Variants in ASTN2 observed in about 807,000 individuals in gnomAD.
ASTN2 encodes the protein astrotactin 2, also known as astrotactin-2.
In ASTN2, 54 loss-of-function variants were observed where a neutral mutation model predicts 139.8. The observed-to-expected ratio is 0.39, with a 90% CI of 0.31 to 0.48. The LOEUF (loss-of-function observed/expected upper bound fraction) is 0.48, where lower values mean the gene tolerates loss of function less well. Among genes scored for constraint, ASTN2 ranks in the 20% least tolerant of loss-of-function variants. ASTN2 has a pLI of 0.95. For missense variants in ASTN2, 1,565 were observed against 1,725.1 expected (o/e 0.91, Z 1.64); for synonymous variants, 756 against 719.5 (o/e 1.05, Z -0.81).
chr9:116,752,895 G>T (rs1389369747), intron 13 of ASTN2, among the ~76,000 whole-genome samples: 1 of 152,192 alleles, frequency 6.6e-6, no homozygotes, highest in African/African-American at 2.4e-5. Context: ...TGGAGAAACA[G>T]AAAGAGTTAA....
chr9:117,206,742 C>T (rs1448924217), intron 3 of ASTN2, among the ~76,000 whole-genome samples: 2 of 152,164 alleles, frequency 1.3e-5, no homozygotes, highest in African/African-American at 4.8e-5. Flanking sequence ...ATAACGGTCC[C>T]ACCCACAGCT....
chr9:116,945,317 T>C (rs1417228839), intron 10 of ASTN2, among the ~76,000 whole-genome samples: 1 of 152,200 alleles, frequency 6.6e-6, no homozygotes, highest in East Asian at 1.9e-4. Flanking sequence ...CACCTTTCCC[T>C]GAGTCACACA....
intron 1 of ASTN2, among the ~76,000 whole-genome samples, chr9:117,390,938 G>C (rs928217134): frequency 7.2e-5 from 11 of 152,170 alleles, no homozygotes; most frequent in African/African-American, 2.7e-4. Flanking sequence ...TAGTTACACT[G>C]ATTTAATTGG....
intron 10 of ASTN2, among the ~76,000 whole-genome samples, chr9:116,878,143 A>C (rs1833353591): frequency 1.3e-5 from 2 of 152,236 alleles, no homozygotes; most frequent in Admixed American, 1.3e-4. Flanking sequence ...TGTGTAAGAC[A>C]GTATGGCAAT....
At chr9:116,604,751 C>A (rs780663433) in intron 19 of ASTN2, among the ~76,000 whole-genome samples, 6 of 152,176 alleles carry the variant, frequency 3.9e-5, no homozygotes, top group Non-Finnish European at 8.8e-5. Flanking sequence ...CATACAAATT[C>A]ACCTCCATAA....
intron 10 of ASTN2, among the ~76,000 whole-genome samples, chr9:116,939,678 T>C (rs564448011): frequency 1.3e-4 from 20 of 152,264 alleles, no homozygotes; most frequent in African/African-American, 4.8e-4. Context: ...AAACCTACTA[T>C]GTACAGGCCT....
At chr9:117,113,530 C>T (rs1829300666) in intron 4 of ASTN2, among the ~76,000 whole-genome samples, 1 of 152,168 alleles carries the variant, frequency 6.6e-6, no homozygotes. Context: ...GTGGCAGGTG[C>T]CTGTAATCCT....
chr9:117,073,092 A>G (rs1172074782), intron 5 of ASTN2, among the ~76,000 whole-genome samples: 1 of 152,200 alleles, frequency 6.6e-6, no homozygotes, highest in East Asian at 1.9e-4. Flanking sequence ...TGCAGCACAA[A>G]TTCAAACAAA....
intron 19 of ASTN2, among the ~76,000 whole-genome samples, chr9:116,557,359 T>C (rs996245550): frequency 6.6e-6 from 1 of 152,096 alleles, no homozygotes; most frequent in African/African-American, 2.4e-5. Flanking sequence ...TTTTTCTATA[T>C]CTCAGTCTCT....
At chr9:116,917,395 T>C (rs1366148312) in intron 10 of ASTN2, among the ~76,000 whole-genome samples, 1 of 152,024 alleles carries the variant, frequency 6.6e-6, no homozygotes, top group African/African-American at 2.4e-5. Context: ...TGGATCATGA[T>C]TGAGCCCCCC....
chr9:116,943,917 T>C (rs764222732), intron 10 of ASTN2, among the ~76,000 whole-genome samples: 5 of 152,308 alleles, frequency 3.3e-5, no homozygotes, highest in South Asian at 2.1e-4. Flanking sequence ...ACTAAAAATA[T>C]AGAGATGAAG....
At chr9:116,583,685 G>C (rs1179097406) in intron 19 of ASTN2, 2 of 152,012 alleles carry the variant, frequency 1.3e-5, no homozygotes, top group Admixed American at 6.6e-5. Context: ...TGGAACCAAA[G>C]AGAACCAGAA....
At chr9:116,924,290 T>C (rs900869668) in intron 10 of ASTN2, among the ~76,000 whole-genome samples, 6 of 148,964 alleles carry the variant, frequency 4.0e-5, no homozygotes, top group African/African-American at 1.5e-4. Context: ...CTTAGCTGAG[T>C]GTGGTGGCAC....
intron 10 of ASTN2, among the ~76,000 whole-genome samples, chr9:116,921,561 C>T (rs1449561124): frequency 7.1e-6 from 1 of 140,310 alleles, no homozygotes; most frequent in East Asian, 2.0e-4. Context: ...GTACTCCAGC[C>T]TGGGCGACCG....
At chr9:117,163,048 C>A (rs1339989461) in intron 3 of ASTN2, among the ~76,000 whole-genome samples, 1 of 152,014 alleles carries the variant, frequency 6.6e-6, no homozygotes, top group Non-Finnish European at 1.5e-5. Flanking sequence ...GCCAGTCAAC[C>A]TTTCCTGCTC....
intron 10 of ASTN2, among the ~76,000 whole-genome samples, chr9:116,918,543 T>C (rs532794593): frequency 6.6e-6 from 1 of 152,332 alleles, no homozygotes; most frequent in Admixed American, 6.5e-5. Flanking sequence ...CCAGATTCCA[T>C]AGGCTTCTTT....
chr9:116,502,810 AAAG>A (rs1375078479), intron 19 of ASTN2, among the ~76,000 whole-genome samples: 65 of 150,184 alleles, frequency 4.3e-4, no homozygotes, highest in Admixed American at 2.8e-3. Flanking sequence ...AGGAGGTAGA[AAAG>A]AAGAAGAGAA....
At chr9:117,070,742 C>G (rs1828094453) in intron 5 of ASTN2, among the ~76,000 whole-genome samples, 1 of 151,336 alleles carries the variant, frequency 6.6e-6, no homozygotes, top group Non-Finnish European at 1.5e-5. Context: ...CTTCCCTTCT[C>G]ACTTCATTTC....
At chr9:116,993,923 G>A (rs540556397) in intron 7 of ASTN2, among the ~76,000 whole-genome samples, 2 of 147,404 alleles carry the variant, frequency 1.4e-5, no homozygotes, top group Admixed American at 6.8e-5. Flanking sequence ...CCTGTCCCCT[G>A]CCCCGCAAGA....
Sources: allele counts gnomAD v4.1 joint callset (sites outside exome capture counted in the v4.1 genomes callset), GRCh38; gene constraint gnomAD v4.1.1; transcripts MANE v1.5; gene names NCBI Gene and HGNC (gene_info 2026-07-23, HGNC 2026-07-21).